OR1J2: variants seen among roughly 807,000 people sequenced by gnomAD.
OR1J2 encodes the protein olfactory receptor 1J2.
For synonymous variants in OR1J2, 142 were observed against 99.7 expected (o/e 1.42, Z -2.52); for missense variants, 304 against 246.1 (o/e 1.24, Z -1.57).
the OR1J2 span, among the ~76,000 whole-genome samples, chr9:122,565,566 C>T: frequency 6.6e-6 from 1 of 152,260 alleles, no homozygotes; most frequent in African/African-American, 2.4e-5. Context: ...CAACGCTGAG[C>T]CCCCCAATGG....
At chr9:122,481,697 C>A in the OR1J2 span, among the ~76,000 whole-genome samples, 72 of 152,020 alleles carry the variant, frequency 4.7e-4, no homozygotes, top group Non-Finnish European at 1.0e-3. Context: ...ATGAAGACAC[C>A]ATGAATTGGC....
At chr9:122,479,167 G>T in the OR1J2 span, among the ~76,000 whole-genome samples, 1 of 152,230 alleles carries the variant, frequency 6.6e-6, no homozygotes, top group East Asian at 1.9e-4. Context: ...TGGGGACGCA[G>T]CGGTGAATTC....
chr9:122,525,322 A>T, the OR1J2 span, among the ~76,000 whole-genome samples: 3 of 152,216 alleles, frequency 2.0e-5, no homozygotes, highest in African/African-American at 7.2e-5. Context: ...TATTCATTGA[A>T]AAAGTGCAGC....
the OR1J2 span, among the ~76,000 whole-genome samples, chr9:122,471,161 C>T: frequency 2.0e-5 from 3 of 152,124 alleles, no homozygotes; most frequent in South Asian, 4.1e-4. Flanking sequence ...TGTGTCCCCA[C>T]CCAAATCTCA....
At chr9:122,502,386 C>T in the OR1J2 span, among the ~76,000 whole-genome samples, 1 of 152,186 alleles carries the variant, frequency 6.6e-6, no homozygotes, top group Non-Finnish European at 1.5e-5. Flanking sequence ...AACTTAAATT[C>T]ACCATCTCAC....
At chr9:122,526,838 G>A in the OR1J2 span, 148 of 1,614,052 alleles carry the variant, frequency 9.2e-5, no homozygotes, top group African/African-American at 6.7e-4. Context: ...TCAGGGCAAC[G>A]ATATTGGTGA....
chr9:122,565,663 G>A, the OR1J2 span, among the ~76,000 whole-genome samples: 10 of 152,282 alleles, frequency 6.6e-5, no homozygotes, highest in African/African-American at 1.2e-4. Flanking sequence ...TATGGATCCC[G>A]TCACCCAGGT....
the OR1J2 span, among the ~76,000 whole-genome samples, chr9:122,551,906 C>A: frequency 1.3e-5 from 2 of 152,068 alleles, no homozygotes; most frequent in African/African-American, 4.8e-5. Flanking sequence ...ACTTTATTGC[C>A]TCTGAGTCAG....
the OR1J2 span, among the ~76,000 whole-genome samples, chr9:122,571,041 C>A: frequency 9.2e-5 from 14 of 152,156 alleles, no homozygotes; most frequent in Non-Finnish European, 1.5e-5. Context: ...ACATATCTTA[C>A]AATCGTGCAT....
At chr9:122,479,141 A>G in the OR1J2 span, among the ~76,000 whole-genome samples, 1 of 152,198 alleles carries the variant, frequency 6.6e-6, no homozygotes, top group Non-Finnish European at 1.5e-5. Context: ...TCAACCACAC[A>G]TGTGACAATG....
the OR1J2 span, among the ~76,000 whole-genome samples, chr9:122,480,081 A>C: frequency 6.6e-6 from 1 of 152,056 alleles, no homozygotes; most frequent in African/African-American, 2.4e-5. Flanking sequence ...ACTCACATCA[A>C]TATTTATCAA....
At chr9:122,560,511 A>G in the OR1J2 span, among the ~76,000 whole-genome samples, 1 of 152,068 alleles carries the variant, frequency 6.6e-6, no homozygotes, top group Admixed American at 6.6e-5. Flanking sequence ...AGCTCTTGCA[A>G]GGCAGGCCTG....
the OR1J2 span, chr9:122,578,538 A>G: frequency 2.0e-5 from 3 of 152,074 alleles, no homozygotes; most frequent in African/African-American, 7.2e-5. Context: ...TTGCAAAAAT[A>G]TGGAACCAGC....
At chr9:122,515,352 TTGTGTGTGTG>T (rs10651846), downstream of OR1J2, among the ~76,000 whole-genome samples, 280 of 135,808 alleles carry the variant, frequency 2.1e-3, 2 homozygotes, top group African/African-American at 7.3e-3. Flanking sequence ...CAGGAGCAGG[TTGTGTGTGTG>T]TGTGTGTGTG....
At chr9:122,567,445 A>C in the OR1J2 span, 2 of 836,234 alleles carry the variant, frequency 2.4e-6, no homozygotes, top group Non-Finnish European at 3.8e-6. Flanking sequence ...CACATGGGTC[A>C]GAAGTGCTAG....
the OR1J2 span, chr9:122,475,866 T>A: frequency 6.6e-6 from 1 of 152,230 alleles, no homozygotes; most frequent in Non-Finnish European, 1.5e-5. Flanking sequence ...TCCATCAGAC[T>A]GAGCTAATTA....
the OR1J2 span, among the ~76,000 whole-genome samples, chr9:122,532,383 G>A: frequency 2.0e-5 from 3 of 152,042 alleles, no homozygotes; most frequent in South Asian, 2.1e-4. Context: ...TGGTGGAACC[G>A]CCATCAATAA....
At chr9:122,507,078 A>G (rs1235764294), upstream of OR1J2, among the ~76,000 whole-genome samples, 1 of 152,198 alleles carries the variant, frequency 6.6e-6, no homozygotes, top group East Asian at 1.9e-4. Flanking sequence ...TTTACTCAGG[A>G]CAACACAAAT....
the OR1J2 span, chr9:122,527,397 CT>C: frequency 7.7e-6 from 5 of 648,954 alleles, no homozygotes; most frequent in South Asian, 1.0e-4. Context: ...CATTATATTC[CT>C]AATCCTGACT....
Sources: allele counts gnomAD v4.1 joint callset (sites outside exome capture counted in the v4.1 genomes callset), GRCh38; gene constraint gnomAD v4.1.1; transcripts MANE v1.5; gene names NCBI Gene and HGNC (gene_info 2026-07-23, HGNC 2026-07-21).